PRLR: variants seen among roughly 807,000 people sequenced by gnomAD.
PRLR encodes prolactin receptor.
In PRLR, 13 loss-of-function variants were observed where a neutral mutation model predicts 40.2. The observed-to-expected ratio is 0.32, with a 90% CI of 0.21 to 0.51. The LOEUF is 0.51. PRLR is among the 20% of genes least tolerant of loss of function. The pLI, the probability that PRLR is intolerant of heterozygous loss-of-function variation, is 0.97. For missense variants in PRLR, 656 were observed against 747.3 expected (o/e 0.88, Z 1.42); for synonymous variants, 269 against 278.7 (o/e 0.97, Z 0.35).
chr5:35,049,994 G>A (rs867242829), intron 8 of PRLR, among the ~76,000 whole-genome samples: 4 of 141,330 alleles, frequency 2.8e-5, no homozygotes, highest in Middle Eastern at 3.7e-3. Flanking sequence ...CGCAACCTCC[G>A]CCTCCCAGGT....
intron 1 of PRLR, among the ~76,000 whole-genome samples, chr5:35,150,545 A>G (rs541236338): frequency 6.6e-6 from 1 of 152,330 alleles, no homozygotes; most frequent in Admixed American, 6.5e-5. Flanking sequence ...TTTAATTTAT[A>G]AGACAGTTAA....
chr5:35,170,177 A>G (rs1246084960), intron 1 of PRLR, among the ~76,000 whole-genome samples: 3 of 152,212 alleles, frequency 2.0e-5, no homozygotes, highest in Non-Finnish European at 4.4e-5. Flanking sequence ...AATAGATGCT[A>G]TGTGCTGCAA....
intron 1 of PRLR, among the ~76,000 whole-genome samples, chr5:35,134,093 C>T (rs1330539364): frequency 1.3e-5 from 2 of 152,042 alleles, no homozygotes; most frequent in Admixed American, 6.6e-5. Flanking sequence ...GTATACTGCT[C>T]GGGTGATGGG....
At chr5:35,202,089 T>A (rs929840543) in intron 1 of PRLR, among the ~76,000 whole-genome samples, 24 of 152,348 alleles carry the variant, frequency 1.6e-4, no homozygotes, top group African/African-American at 5.8e-4. Context: ...CTTGGACAAG[T>A]TACTCAAGTT....
At chr5:35,128,862 T>C (rs1172213368) in intron 1 of PRLR, among the ~76,000 whole-genome samples, 1 of 152,184 alleles carries the variant, frequency 6.6e-6, no homozygotes, top group African/African-American at 2.4e-5. Flanking sequence ...GCAGAGATAA[T>C]TGGCTCTCTG....
chr5:35,062,854 T>G lies in PRLR; in HGVS notation c.*2235A>C, dbSNP rs964904024. The stretch of plus-strand genomic sequence containing the variant: ...CAGCATAATGTGAATCTTAAACTAC[T>G]GATATGTTTCTTTTTTTGCCTGCTT... On this transcript the variant is annotated 3_prime_UTR_variant, in exon 10 of 10. Coordinates refer to ENST00000618457, the MANE Select transcript of PRLR (RefSeq NM_000949.7). The G allele has an allele frequency of 3.9e-5, 6 of 152,246 alleles. No individual in the cohort carries two copies. Among genetic ancestry groups the G allele is most frequent in the Non-Finnish European group, 8.8e-5 (6 of 68,044 alleles). The allele number at this position is 152,246 out of a possible 1,614,324, so 9.4% of individuals were successfully genotyped here.
At chr5:35,101,338 C>T (rs75567872) in intron 2 of PRLR, among the ~76,000 whole-genome samples, 1,930 of 152,294 alleles carry the variant, frequency 0.013, 16 homozygotes, top group Middle Eastern at 0.024. Flanking sequence ...TCAACAGGCT[C>T]TCCATATTCC....
chr5:35,174,485 T>G (rs1394030359), intron 1 of PRLR, among the ~76,000 whole-genome samples: 1 of 152,230 alleles, frequency 6.6e-6, no homozygotes, highest in Admixed American at 6.5e-5. Flanking sequence ...AATTAAATTA[T>G]TCACACCTGC....
chr5:35,184,862 G>T (rs1775384133), intron 1 of PRLR, among the ~76,000 whole-genome samples: 1 of 152,212 alleles, frequency 6.6e-6, no homozygotes. Context: ...TGAGGAAAAG[G>T]GGTAGTTAAG....
At chr5:35,186,387 G>C (rs79477940) in intron 1 of PRLR, among the ~76,000 whole-genome samples, 2 of 152,124 alleles carry the variant, frequency 1.3e-5, no homozygotes, top group African/African-American at 4.8e-5. Flanking sequence ...TCAGCATGAC[G>C]CTGACTGATG....
At chr5:35,167,627 AT>A (rs1296175751) in intron 1 of PRLR, among the ~76,000 whole-genome samples, 2 of 152,090 alleles carry the variant, frequency 1.3e-5, no homozygotes, top group Non-Finnish European at 2.9e-5. Flanking sequence ...AACAATAAAA[AT>A]GTCTTATAAT....
downstream of PRLR, among the ~76,000 whole-genome samples, chr5:35,055,295 TCCTTTTG>T (rs1024145406): frequency 2.6e-5 from 4 of 152,168 alleles, no homozygotes; most frequent in Non-Finnish European, 5.9e-5. Flanking sequence ...TTGGAAACTC[TCCTTTTG>T]ATTGTTCTTT....
At chr5:35,066,794 C>T (rs559421929) in intron 9 of PRLR, among the ~76,000 whole-genome samples, 98 of 134,120 alleles carry the variant, frequency 7.3e-4, no homozygotes, top group African/African-American at 2.7e-3. Flanking sequence ...GACGGAGTCT[C>T]GCTCTGTTGC....
intron 1 of PRLR, among the ~76,000 whole-genome samples, chr5:35,199,778 G>C (rs533787947): frequency 6.6e-6 from 1 of 152,110 alleles, no homozygotes; most frequent in Non-Finnish European, 1.5e-5. Flanking sequence ...ATAACATTTT[G>C]TTACTCCCTT....
chr5:35,065,845 G>A lies in PRLR; in HGVS notation c.1113C>T (p.Pro371=), dbSNP rs1769335200. The change falls in exon 10 of 10, where the codon CCC becomes CCT. Residue 371 remains proline (P), a synonymous_variant. Coordinates refer to ENST00000618457, the MANE Select transcript of PRLR (RefSeq NM_000949.7). ...SEKCEEPQAN[P]STFYDPEVIE... ...TGACCTCAGGATCATAGAATGTGGA[G>A]GGATTGGCCTGGGGTTCCTCACACT... 4 of 1,614,052 alleles carry A rather than the reference G, an allele frequency of 2.5e-6. No homozygotes were observed. In the African/African-American group the frequency reaches 5.3e-5, roughly 22 times the overall value.
intron 1 of PRLR, among the ~76,000 whole-genome samples, chr5:35,122,187 A>G (rs2111734714): frequency 6.6e-6 from 1 of 152,340 alleles, no homozygotes; most frequent in African/African-American, 2.4e-5. Context: ...TGTCCACACC[A>G]GAACCACAGG....
At chr5:35,073,796 C>G (rs1049533421) in intron 5 of PRLR, among the ~76,000 whole-genome samples, 15 of 152,134 alleles carry the variant, frequency 9.9e-5, no homozygotes, top group Non-Finnish European at 1.5e-5. Context: ...AAAAGATGCT[C>G]AAGGTCATTA....
chr5:35,146,110 C>T (rs1484405789), intron 1 of PRLR, among the ~76,000 whole-genome samples: 1 of 152,214 alleles, frequency 6.6e-6, no homozygotes, highest in African/African-American at 2.4e-5. Context: ...TGAAGCTAGA[C>T]CTGCTTGGTC....
chr5:35,104,201 G>A (rs1431949720), intron 2 of PRLR, among the ~76,000 whole-genome samples: 1 of 152,164 alleles, frequency 6.6e-6, no homozygotes, highest in Non-Finnish European at 1.5e-5. Context: ...CCGTCCACAT[G>A]TAGGGCACAC....
Sources: gnomAD v4.1 joint callset for allele counts (sites outside exome capture counted in the v4.1 genomes callset) on GRCh38, gnomAD v4.1.1 for gene constraint, MANE v1.5 for transcripts, NCBI Gene and HGNC (gene_info 2026-07-23, HGNC 2026-07-21) for gene names.